The following LYN variants were observed in gnomAD, a reference collection of about 807,000 sequenced individuals.
LYN encodes tyrosine-protein kinase Lyn.
A neutral mutation model predicts 65.0 loss-of-function variants in LYN; 12 were observed. The ratio of observed to expected loss-of-function variants is 0.18; its 90% CI spans 0.12 to 0.30. The LOEUF (loss-of-function observed/expected upper bound fraction) is 0.30. Ranked by LOEUF, LYN falls within the 10% of genes least tolerant of loss-of-function variation. The probability of loss-of-function intolerance (pLI) is 1.00; values close to 1 mark genes in which losing one functional copy is unlikely to be tolerated. For synonymous variants in LYN, 222 were observed against 221.2 expected (o/e 1.00, Z -0.03); for missense variants, 380 against 623.2 (o/e 0.61, Z 4.16).
intron 6 of LYN, 83 bp from the exon 7 acceptor site, chr8:55,951,883 C>A: frequency 1.8e-6 from 2 of 1,086,894 alleles, no homozygotes; most frequent in Non-Finnish European, 2.7e-6. Flanking sequence ...ATATTTGTAT[C>A]ACAAAATGTG....
At chr8:55,903,659 C>T (rs1055898463) in intron 1 of LYN, among the ~76,000 whole-genome samples, 2 of 152,032 alleles carry the variant, frequency 1.3e-5, no homozygotes, top group African/African-American at 4.8e-5. Context: ...TTATTGAGAC[C>T]TTCCTTTTGA....
intron 10 of LYN, among the ~76,000 whole-genome samples, chr8:55,992,436 C>A (rs1198350254): frequency 6.6e-6 from 1 of 152,170 alleles, no homozygotes; most frequent in Non-Finnish European, 1.5e-5. Context: ...GGAATTCTTC[C>A]AAGGTGTTTG....
At chr8:55,947,760 C>T (rs763714022) in intron 4 of LYN, 37 bp downstream of exon 4, 2 of 1,389,972 alleles carry the variant, frequency 1.4e-6, no homozygotes, top group Non-Finnish European at 2.0e-6. Context: ...TGCTCGTTTC[C>T]TCAGGCCACT....
At chr8:55,935,103 T>C (rs1806390731) in intron 1 of LYN, among the ~76,000 whole-genome samples, 1 of 152,120 alleles carries the variant, frequency 6.6e-6, no homozygotes, top group Non-Finnish European at 1.5e-5. Flanking sequence ...ATCTGAGGGA[T>C]TCCCGGCACC....
At chr8:55,890,117 CAAAAAAA>C (rs34706733) in intron 1 of LYN, among the ~76,000 whole-genome samples, 7 of 79,092 alleles carry the variant, frequency 8.9e-5, no homozygotes, top group African/African-American at 1.6e-4. Flanking sequence ...CCTCTATAGA[CAAAAAAA>C]AAAAAAAAAA....
intron 1 of LYN, among the ~76,000 whole-genome samples, chr8:55,931,915 T>C (rs1312360911): frequency 6.6e-6 from 1 of 152,200 alleles, no homozygotes; most frequent in Non-Finnish European, 1.5e-5. Flanking sequence ...AAATGACATA[T>C]CAACATTGTT....
At chr8:55,952,595 T>C (rs1806983447) in intron 7 of LYN, among the ~76,000 whole-genome samples, 1 of 152,128 alleles carries the variant, frequency 6.6e-6, no homozygotes, top group Non-Finnish European at 1.5e-5. Context: ...AATTAATTAA[T>C]CTACAGTTAA....
chr8:55,988,405 G>A (rs1302412989), intron 10 of LYN, among the ~76,000 whole-genome samples: 1 of 151,382 alleles, frequency 6.6e-6, no homozygotes, highest in Non-Finnish European at 1.5e-5. Flanking sequence ...GGGGCTTCCT[G>A]TTATAAAAAA....
At chr8:55,941,739 A>G (rs1806618967) in intron 1 of LYN, 116 bp from the exon 2 acceptor site, 2 of 678,262 alleles carry the variant, frequency 2.9e-6, no homozygotes, top group South Asian at 2.0e-5. Context: ...TTATTAATCT[A>G]TATATGATAA....
At chr8:55,941,377 G>C (rs1452452051) in intron 1 of LYN, among the ~76,000 whole-genome samples, 1 of 152,196 alleles carries the variant, frequency 6.6e-6, no homozygotes, top group Non-Finnish European at 1.5e-5. Context: ...CTAGCTCTCT[G>C]AAGGGGCCAT....
chr8:55,963,944 TA>T (rs1807364527), intron 8 of LYN, among the ~76,000 whole-genome samples: 1 of 152,196 alleles, frequency 6.6e-6, no homozygotes. Context: ...TTATAAACGT[TA>T]AAAAATTTAT....
At chr8:55,900,072 G>A (rs571277663) in intron 1 of LYN, among the ~76,000 whole-genome samples, 5 of 152,244 alleles carry the variant, frequency 3.3e-5, no homozygotes, top group East Asian at 1.9e-4. Flanking sequence ...AATCTAATGC[G>A]CTGCCACTCG....
chr8:56,006,284 C>A (rs959153856), intron 12 of LYN, among the ~76,000 whole-genome samples: 1 of 152,128 alleles, frequency 6.6e-6, no homozygotes, highest in African/African-American at 2.4e-5. Flanking sequence ...CAAACACTCA[C>A]CTTGGTCACA....
chr8:55,902,381 G>A (rs1476494734), intron 1 of LYN, among the ~76,000 whole-genome samples: 2 of 146,740 alleles, frequency 1.4e-5, no homozygotes, highest in Non-Finnish European at 3.0e-5. Flanking sequence ...AGATTGGAGT[G>A]CAGTGGCGTG....
At chr8:55,888,100 CTTA>C in intron 1 of LYN, among the ~76,000 whole-genome samples, 1 of 152,280 alleles carries the variant, frequency 6.6e-6, no homozygotes, top group East Asian at 1.9e-4. Context: ...AGAACATTTT[CTTA>C]AAGAACCTTC....
At chr8:55,906,854 G>A (rs1805442747) in intron 1 of LYN, among the ~76,000 whole-genome samples, 1 of 152,154 alleles carries the variant, frequency 6.6e-6, no homozygotes, top group Non-Finnish European at 1.5e-5. Flanking sequence ...TAAGCTGAGA[G>A]CCCTGTCCTT....
At chr8:55,924,221 A>G (rs1806028311) in intron 1 of LYN, among the ~76,000 whole-genome samples, 1 of 152,064 alleles carries the variant, frequency 6.6e-6, no homozygotes, top group Admixed American at 6.6e-5. Flanking sequence ...TCCCTTGAAA[A>G]TTTGAAATAT....
intron 1 of LYN, among the ~76,000 whole-genome samples, chr8:55,891,300 C>T (rs6993642): frequency 0.066 from 9,924 of 150,060 alleles, 573 homozygotes; most frequent in African/African-American, 0.16. Context: ...TGCAGTGAGT[C>T]GAGATCCCGC....
chr8:55,959,120 T>C (rs1244211656), intron 8 of LYN, among the ~76,000 whole-genome samples: 1 of 152,208 alleles, frequency 6.6e-6, no homozygotes, highest in Non-Finnish European at 1.5e-5. Context: ...CCAACAGTTG[T>C]TATTTTCTGT....
Sources: gnomAD v4.1 joint callset for allele counts (sites outside exome capture counted in the v4.1 genomes callset) on GRCh38, gnomAD v4.1.1 for gene constraint, MANE v1.5 for transcripts, NCBI Gene and HGNC (gene_info 2026-07-23, HGNC 2026-07-21) for gene names.